The following KHDRBS2 variants were observed in gnomAD, a reference collection of about 807,000 sequenced individuals.
KHDRBS2 encodes the protein KH domain-containing, RNA-binding, signal transduction-associated protein 2.
Under a neutral mutation model 44.3 loss-of-function variants are expected in KHDRBS2, and 26 were observed. The ratio of observed to expected loss-of-function variants is 0.59; its 90% CI spans 0.43 to 0.81. KHDRBS2 has a LOEUF of 0.81. Among genes scored for constraint, KHDRBS2 ranks in the 40% least tolerant of loss-of-function variants. The pLI is 0.00. For synonymous variants in KHDRBS2, 194 were observed against 151.1 expected, an observed-to-expected ratio of 1.28 and a Z score of -2.08; for missense variants, 476 against 433.1, an observed-to-expected ratio of 1.10 and a Z score of -0.88.
chr6:61,583,773 C>T, the KHDRBS2 span, among the ~76,000 whole-genome samples: 1 of 151,326 alleles, frequency 6.6e-6, no homozygotes, highest in Non-Finnish European at 1.5e-5. Flanking sequence ...TTTATTGAAC[C>T]TGTACTGAAC....
At chr6:61,579,306 C>G in the KHDRBS2 span, among the ~76,000 whole-genome samples, 5 of 152,098 alleles carry the variant, frequency 3.3e-5, no homozygotes, top group Non-Finnish European at 7.4e-5. Context: ...GTATCTTCTT[C>G]CTATACAAAT....
intron 6 of KHDRBS2, among the ~76,000 whole-genome samples, chr6:61,809,704 G>A (rs1287091377): frequency 6.6e-6 from 1 of 152,126 alleles, no homozygotes; most frequent in Non-Finnish European, 1.5e-5. Context: ...TCTGACAAAT[G>A]TGATGGAGCT....
chr6:61,625,434 C>A, the KHDRBS2 span, among the ~76,000 whole-genome samples: 15 of 150,782 alleles, frequency 9.9e-5, no homozygotes, highest in African/African-American at 3.4e-4. Context: ...TCAAGAGAAT[C>A]TGATGCAAGA....
chr6:62,110,598 T>G (rs1319942567), intron 2 of KHDRBS2, among the ~76,000 whole-genome samples: 1 of 152,008 alleles, frequency 6.6e-6, no homozygotes, highest in Non-Finnish European at 1.5e-5. Context: ...TCCTCCAGAG[T>G]CCTCTCTCCC....
intron 4 of KHDRBS2, among the ~76,000 whole-genome samples, chr6:61,908,562 AG>A (rs1805463096): frequency 1.3e-5 from 2 of 150,962 alleles, no homozygotes; most frequent in African/African-American, 4.9e-5. Context: ...TGAACCCGGC[AG>A]GCGGAGCTTG....
At chr6:61,741,339 G>A (rs1220457317) in intron 6 of KHDRBS2, among the ~76,000 whole-genome samples, 1 of 151,824 alleles carries the variant, frequency 6.6e-6, no homozygotes, top group African/African-American at 2.4e-5. Flanking sequence ...ATATTTGAAG[G>A]TTGCTTGCAA....
chr6:62,002,541 GC>G (rs1373769555), intron 3 of KHDRBS2, among the ~76,000 whole-genome samples: 1 of 150,888 alleles, frequency 6.6e-6, no homozygotes, highest in African/African-American at 2.4e-5. Context: ...CTAAATAACA[GC>G]ATTTAACCTT....
chr6:62,016,529 T>C (rs1455924252), intron 3 of KHDRBS2, among the ~76,000 whole-genome samples: 1 of 149,752 alleles, frequency 6.7e-6, no homozygotes, highest in Non-Finnish European at 1.5e-5. Flanking sequence ...TACCTATTTA[T>C]ACATTTAGAT....
At chr6:62,060,599 C>CTCTCTCTCTG (rs1223388548) in intron 2 of KHDRBS2, among the ~76,000 whole-genome samples, 1 of 149,922 alleles carries the variant, frequency 6.7e-6, no homozygotes, top group African/African-American at 2.5e-5. Flanking sequence ...AGGTCTCTCT[C>CTCTCTCTCTG]TCTCTCTCTG....
chr6:61,603,179 C>A, the KHDRBS2 span, among the ~76,000 whole-genome samples: 3 of 152,166 alleles, frequency 2.0e-5, no homozygotes, highest in African/African-American at 7.2e-5. Flanking sequence ...TATAAACTCT[C>A]CTTACAATTC....
At chr6:62,262,655 G>A (rs1838550694) in intron 1 of KHDRBS2, among the ~76,000 whole-genome samples, 1 of 151,536 alleles carries the variant, frequency 6.6e-6, no homozygotes, top group South Asian at 2.1e-4. Context: ...AATTTTTTTG[G>A]GGGGTTAGTG....
chr6:62,012,039 A>C (rs1161547306), intron 3 of KHDRBS2, among the ~76,000 whole-genome samples: 1 of 152,170 alleles, frequency 6.6e-6, no homozygotes, highest in African/African-American at 2.4e-5. Flanking sequence ...ATGTTTCTTG[A>C]TTTGAACCCA....
intron 3 of KHDRBS2, among the ~76,000 whole-genome samples, chr6:62,006,199 T>C (rs1319493850): frequency 1.3e-5 from 2 of 151,946 alleles, no homozygotes; most frequent in Non-Finnish European, 2.9e-5. Flanking sequence ...CTAAAAAGGA[T>C]GGACTATGCA....
chr6:62,132,384 A>C (rs900464571), intron 2 of KHDRBS2, among the ~76,000 whole-genome samples: 11 of 152,090 alleles, frequency 7.2e-5, no homozygotes, highest in African/African-American at 2.7e-4. Context: ...CCAAATCATT[A>C]CCTCCTGGGA....
At chr6:62,088,900 C>T (rs1244327622) in intron 2 of KHDRBS2, among the ~76,000 whole-genome samples, 2 of 152,302 alleles carry the variant, frequency 1.3e-5, no homozygotes, top group South Asian at 2.1e-4. Context: ...TGCTGCCTTT[C>T]TTTCAGAGAT....
chr6:61,634,275 A>AG, the KHDRBS2 span, among the ~76,000 whole-genome samples: 1 of 151,552 alleles, frequency 6.6e-6, no homozygotes, highest in Non-Finnish European at 1.5e-5. Context: ...ATTAAAAAAA[A>AG]AAAAGTTGGA....
At chr6:61,914,402 C>A (rs551228252) in intron 4 of KHDRBS2, among the ~76,000 whole-genome samples, 4 of 151,544 alleles carry the variant, frequency 2.6e-5, no homozygotes, top group African/African-American at 9.7e-5. Context: ...AGCAAACTAT[C>A]GCAAGGACAA....
At chr6:61,857,898 C>T (rs544353697) in intron 6 of KHDRBS2, among the ~76,000 whole-genome samples, 1 of 152,010 alleles carries the variant, frequency 6.6e-6, no homozygotes, top group African/African-American at 2.4e-5. Flanking sequence ...ATATATAGGA[C>T]AAATCTATTC....
intron 2 of KHDRBS2, among the ~76,000 whole-genome samples, chr6:62,071,316 T>C (rs934064152): frequency 2.0e-5 from 3 of 152,214 alleles, no homozygotes; most frequent in South Asian, 4.1e-4. Context: ...TGGTAGTTTC[T>C]TTTGCTGTGC....
Sources: gnomAD v4.1 joint callset for allele counts (sites outside exome capture counted in the v4.1 genomes callset) on GRCh38, gnomAD v4.1.1 for gene constraint, MANE v1.5 for transcripts, NCBI Gene and HGNC (gene_info 2026-07-23, HGNC 2026-07-21) for gene names.